The following MAP3K7CL variants were observed in gnomAD, a reference collection of about 807,000 sequenced individuals.
MAP3K7CL encodes the protein MAP3K7 C-terminal like, also known as MAP3K7 C-terminal-like protein.
Under a neutral mutation model 18.6 loss-of-function variants are expected in MAP3K7CL, and 16 were observed. That is an observed-to-expected ratio of 0.86 (90% CI 0.58 to 1.31). The LOEUF is 1.31. Among genes scored for constraint, MAP3K7CL ranks in the 50% most tolerant of loss-of-function variants. The pLI, the probability that MAP3K7CL is intolerant of heterozygous loss-of-function variation, is 0.00. For missense variants in MAP3K7CL, 163 were observed against 174.4 expected (o/e 0.93, Z 0.37); for synonymous variants, 65 against 66.8 (o/e 0.97, Z 0.13).
chr21:29,128,701 G>A (rs749857542), upstream of MAP3K7CL, among the ~76,000 whole-genome samples: 7 of 152,096 alleles, frequency 4.6e-5, no homozygotes, highest in African/African-American at 1.7e-4. Flanking sequence ...ATTCTATTAT[G>A]GTCATTCATC....
intron 4 of MAP3K7CL, among the ~76,000 whole-genome samples, chr21:29,102,255 C>A (rs1020886578): frequency 6.6e-6 from 1 of 152,174 alleles, no homozygotes; most frequent in African/African-American, 2.4e-5. Context: ...GTGCAGTGCA[C>A]AAAAGGTACA....
At chr21:29,100,338 G>A (rs2086205297) in intron 4 of MAP3K7CL, among the ~76,000 whole-genome samples, 1 of 152,168 alleles carries the variant, frequency 6.6e-6, no homozygotes, top group Non-Finnish European at 1.5e-5. Context: ...AAGCAGAGGA[G>A]GGGTATGAAA....
At chr21:29,109,357 A>T in intron 4 of MAP3K7CL, 2 of 1,382,884 alleles carry the variant, frequency 1.4e-6, no homozygotes, top group Non-Finnish European at 1.9e-6. Context: ...CATTAGTAAT[A>T]GAAAGATAGA....
At chr21:29,096,970 C>G (rs2086133265) in intron 4 of MAP3K7CL, among the ~76,000 whole-genome samples, 1 of 152,182 alleles carries the variant, frequency 6.6e-6, no homozygotes, top group Non-Finnish European at 1.5e-5. Context: ...GGTCACCTTT[C>G]TTTCAGAACG....
At chr21:29,143,961 T>G (rs2087067085) in intron 2 of MAP3K7CL, among the ~76,000 whole-genome samples, 1 of 152,168 alleles carries the variant, frequency 6.6e-6, no homozygotes, top group Non-Finnish European at 1.5e-5. Flanking sequence ...TATTTTTATC[T>G]GTAAAGCTAA....
chr21:29,129,356 G>A (rs1057203888), upstream of MAP3K7CL, among the ~76,000 whole-genome samples: 1 of 152,020 alleles, frequency 6.6e-6, no homozygotes, highest in Non-Finnish European at 1.5e-5. Context: ...TTCTCTTCCT[G>A]AATCCCTGGC....
At chr21:29,129,656 G>A (rs919269621), upstream of MAP3K7CL, among the ~76,000 whole-genome samples, 17 of 152,196 alleles carry the variant, frequency 1.1e-4, no homozygotes, top group Admixed American at 9.2e-4. Flanking sequence ...GGCTTTTGGG[G>A]AAATAACAAG....
intron 3 of MAP3K7CL, among the ~76,000 whole-genome samples, chr21:29,155,418 T>C (rs561695883): frequency 6.6e-6 from 1 of 152,150 alleles, no homozygotes; most frequent in Non-Finnish European, 1.5e-5. Context: ...AGAAGCCAAA[T>C]AGAAAACGGA....
intron 1 of MAP3K7CL, among the ~76,000 whole-genome samples, chr21:29,087,656 C>T (rs1474447302): frequency 2.1e-5 from 3 of 144,120 alleles, no homozygotes; most frequent in East Asian, 2.1e-4. Context: ...TGCAGCGGCG[C>T]GATCTCCGCT....
At chr21:29,099,805 C>A (rs946606638) in intron 4 of MAP3K7CL, among the ~76,000 whole-genome samples, 1 of 152,070 alleles carries the variant, frequency 6.6e-6, no homozygotes, top group Non-Finnish European at 1.5e-5. Context: ...AAAAAGGGGC[C>A]GGGCGCAGTG....
chr21:29,091,762 G>A lies in MAP3K7CL; in HGVS notation c.227+1G>A, dbSNP rs2146501387. 1.4e-6 allele frequency: 1 copy of A among 702,450 alleles called. No homozygotes were observed. Among genetic ancestry groups the A allele is most frequent in the African/African-American group, 1.7e-5 (1 of 57,356 alleles). The allele number at this position is 702,450 out of a possible 1,614,324, so 43.5% of individuals were successfully genotyped here. On this transcript the variant is annotated splice_donor_variant, in intron 3 of 6. Transcript: ENST00000286791. LOFTEE classifies it high-confidence loss of function. Reference sequence around the variant, plus strand: ...GCTTCTTGAAGTGCTTGGATTACAGGTATGAACTACTGCACCTGGCCTGTC... The same window carrying A: ...GCTTCTTGAAGTGCTTGGATTACAGATATGAACTACTGCACCTGGCCTGTC...
Position 29,135,289 on chromosome 21 carries a change from G to A in MAP3K7CL, c.70+1875G>A, listed in dbSNP as rs915251080. 3.3e-5 allele frequency among the ~76,000 whole-genome samples: 5 copies of A among 152,202 alleles called. No homozygotes were observed. In the East Asian group the frequency reaches 7.7e-4, roughly 24 times the overall value. ...ACATTTCATAAATGCAAGATTTCAA[G>A]GAATAGTCAGTGCTTTTCATGGCAT... On this transcript the variant is annotated intron_variant, in intron 2 of 4. Transcript: ENST00000399928.
chr21:29,153,230 C>A (rs2087318902), intron 3 of MAP3K7CL, among the ~76,000 whole-genome samples: 3 of 152,182 alleles, frequency 2.0e-5, no homozygotes, highest in African/African-American at 7.2e-5. Flanking sequence ...AAATGAATAT[C>A]TCTTTATAAT....
rs566290021 is a variant in MAP3K7CL, at chr21:29,079,397, C to T, written c.-49+1684C>T. 5.6e-4 allele frequency among the ~76,000 whole-genome samples: 85 copies of T among 152,334 alleles called. 1 individual carries two copies. The highest frequency in any genetic ancestry group is 1.9e-3 in the African/African-American group (79 of 41,562). On this transcript the variant is annotated intron_variant, in intron 1 of 7. Coordinates refer to the MAP3K7CL transcript ENST00000341618. ...TGCTAATCTGAGTCTTGGCCAAATGCCAAGCTCTTTCTTAGCTTTGGCTTG... is the reference window on the plus strand; with the variant it reads ...TGCTAATCTGAGTCTTGGCCAAATGTCAAGCTCTTTCTTAGCTTTGGCTTG...
chr21:29,174,293 A>G (rs2087912934), intron 4 of MAP3K7CL, among the ~76,000 whole-genome samples: 1 of 152,244 alleles, frequency 6.6e-6, no homozygotes, highest in South Asian at 2.1e-4. Context: ...GTAGGAAACA[A>G]AGGAAGATAA....
intron 3 of MAP3K7CL, among the ~76,000 whole-genome samples, chr21:29,154,587 T>C (rs1204987308): frequency 6.6e-6 from 1 of 152,216 alleles, no homozygotes; most frequent in East Asian, 1.9e-4. Context: ...TATCCTGTTA[T>C]CCAAGCAGCC....
At chr21:29,141,200 A>G (rs954892147) in intron 2 of MAP3K7CL, among the ~76,000 whole-genome samples, 3 of 152,206 alleles carry the variant, frequency 2.0e-5, no homozygotes, top group Non-Finnish European at 4.4e-5. Context: ...ATAATAGTGA[A>G]TAGGTGTTTC....
intron 2 of MAP3K7CL, among the ~76,000 whole-genome samples, chr21:29,146,642 T>G (rs1198405684): frequency 6.6e-6 from 1 of 152,238 alleles, no homozygotes; most frequent in Non-Finnish European, 1.5e-5. Flanking sequence ...AGTTTTTACT[T>G]GTTCTGTGAG....
At chr21:29,123,488 A>G (rs2086632571) in intron 4 of MAP3K7CL, among the ~76,000 whole-genome samples, 2 of 152,226 alleles carry the variant, frequency 1.3e-5, no homozygotes, top group Admixed American at 6.5e-5. Context: ...AGAACAGAGA[A>G]GCATATTAAA....
Sources: allele counts gnomAD v4.1 joint callset (sites outside exome capture counted in the v4.1 genomes callset), GRCh38; gene constraint gnomAD v4.1.1; transcripts MANE v1.5; gene names NCBI Gene and HGNC (gene_info 2026-07-23, HGNC 2026-07-21).